Variants in IQUB observed in about 807,000 individuals in gnomAD.
IQUB encodes the protein IQ motif and ubiquitin domain containing, also known as IQ motif and ubiquitin-like domain-containing protein.
IQUB carries 86 observed loss-of-function variants against 86.4 expected under a neutral mutation model. That is an observed-to-expected ratio of 1.00 (90% CI 0.84 to 1.19). IQUB has a LOEUF of 1.19. IQUB is among the 50% of genes most tolerant of loss of function. The pLI is 0.00. For synonymous variants in IQUB, 289 were observed against 304.5 expected, an observed-to-expected ratio of 0.95 and a Z score of 0.53; for missense variants, 946 against 916.9, an observed-to-expected ratio of 1.03 and a Z score of -0.41.
intron 1 of IQUB, chr7:123,532,931 G>C (rs1237923019): frequency 1.3e-5 from 2 of 152,352 alleles, no homozygotes; most frequent in Non-Finnish European, 2.9e-5. Flanking sequence ...GGCTGGGGGC[G>C]GAGGCCGGCA....
chr7:123,494,780 C>A (rs551822667), intron 7 of IQUB, among the ~76,000 whole-genome samples: 2 of 152,010 alleles, frequency 1.3e-5, no homozygotes, highest in African/African-American at 4.8e-5. Flanking sequence ...AGTAGACAGG[C>A]CAAAAATTAT....
At chr7:123,506,832 C>T (rs747605896) in intron 3 of IQUB, among the ~76,000 whole-genome samples, 9 of 152,112 alleles carry the variant, frequency 5.9e-5, no homozygotes, top group Non-Finnish European at 1.2e-4. Flanking sequence ...ATTCATGCCA[C>T]GGTAGAGGTA....
At chr7:123,471,906 A>G (rs1222342135) in intron 8 of IQUB, among the ~76,000 whole-genome samples, 1 of 152,162 alleles carries the variant, frequency 6.6e-6, no homozygotes, top group African/African-American at 2.4e-5. Context: ...TAATTGTTTT[A>G]TGTTTGCTAA....
chr7:123,496,434 A>G (rs892904920), intron 7 of IQUB, among the ~76,000 whole-genome samples: 2 of 152,134 alleles, frequency 1.3e-5, no homozygotes, highest in African/African-American at 2.4e-5. Context: ...ATGAGGATCA[A>G]ATGAAATAAT....
chr7:123,477,353 TAATA>T (rs1051117544), intron 8 of IQUB, among the ~76,000 whole-genome samples: 3 of 152,304 alleles, frequency 2.0e-5, no homozygotes, highest in African/African-American at 7.2e-5. Context: ...ATTCCCTATT[TAATA>T]AATGGTGCTG....
At chr7:123,470,469 G>A (rs1483968798) in intron 8 of IQUB, among the ~76,000 whole-genome samples, 1 of 152,138 alleles carries the variant, frequency 6.6e-6, no homozygotes, top group Non-Finnish European at 1.5e-5. Context: ...GTGATCTAAT[G>A]TAAGGTTTAA....
At chr7:123,484,598 A>G (rs1394135408) in intron 7 of IQUB, among the ~76,000 whole-genome samples, 1 of 152,118 alleles carries the variant, frequency 6.6e-6, no homozygotes, top group South Asian at 2.1e-4. Context: ...AAATTTGGGT[A>G]GAGCACTAAG....
intron 1 of IQUB, among the ~76,000 whole-genome samples, chr7:123,523,485 G>C (rs1403472649): frequency 6.6e-6 from 1 of 151,928 alleles, no homozygotes; most frequent in East Asian, 1.9e-4. Context: ...GTGTTTTTTG[G>C]CTGCATAAAT....
chr7:123,489,274 A>C (rs1382037150), intron 7 of IQUB, among the ~76,000 whole-genome samples: 1 of 152,180 alleles, frequency 6.6e-6, no homozygotes, highest in South Asian at 2.1e-4. Context: ...TCCTATTTTG[A>C]TATAACAGAG....
intron 1 of IQUB, among the ~76,000 whole-genome samples, 152 bp downstream of exon 1, chr7:123,534,340 C>T (rs1159028632): frequency 6.6e-6 from 1 of 152,156 alleles, no homozygotes; most frequent in Non-Finnish European, 1.5e-5. Context: ...AAAGTAAAGT[C>T]GGAACATTCC....
chr7:123,504,349 C>G (rs969824362), intron 3 of IQUB, among the ~76,000 whole-genome samples: 1 of 152,076 alleles, frequency 6.6e-6, no homozygotes, highest in African/African-American at 2.4e-5. Context: ...ACTCGGGAGG[C>G]TGAGGCAAGA....
At chr7:123,475,593 A>G (rs1048233704) in intron 8 of IQUB, among the ~76,000 whole-genome samples, 3 of 152,156 alleles carry the variant, frequency 2.0e-5, no homozygotes, top group Admixed American at 6.6e-5. Flanking sequence ...CTGGGCATAA[A>G]GAAGAATAGA....
At chr7:123,526,860 C>T (rs1031282986) in intron 1 of IQUB, among the ~76,000 whole-genome samples, 3 of 152,020 alleles carry the variant, frequency 2.0e-5, no homozygotes, top group East Asian at 1.9e-4. Context: ...CCACGTTTAG[C>T]GCTTCTTCAG....
At chr7:123,457,061 G>T in intron 12 of IQUB, 1 of 427,372 alleles carries the variant, frequency 2.3e-6, no homozygotes, top group Non-Finnish European at 3.1e-6. Flanking sequence ...CAGTATTGTA[G>T]GTATTAGAGA....
chr7:123,490,005 T>C (rs1795387395), intron 7 of IQUB, among the ~76,000 whole-genome samples: 1 of 151,628 alleles, frequency 6.6e-6, no homozygotes, highest in Admixed American at 6.6e-5. Flanking sequence ...GGAGCAAATA[T>C]AAAACAAACA....
chr7:123,514,592 ATTTG>A (rs1424364105), intron 1 of IQUB, among the ~76,000 whole-genome samples: 1 of 152,166 alleles, frequency 6.6e-6, no homozygotes, highest in Non-Finnish European at 1.5e-5. Context: ...ACTGTTTATA[ATTTG>A]TTTATTTGTA....
At chr7:123,483,169 T>C (rs762581947) in intron 7 of IQUB, among the ~76,000 whole-genome samples, 14 of 152,052 alleles carry the variant, frequency 9.2e-5, no homozygotes, top group Non-Finnish European at 1.8e-4. Flanking sequence ...TGCTCGTGGA[T>C]TCCTCCCCAT....
At chr7:123,527,861 C>T (rs921348026) in intron 1 of IQUB, among the ~76,000 whole-genome samples, 4 of 152,246 alleles carry the variant, frequency 2.6e-5, no homozygotes, top group Non-Finnish European at 4.4e-5. Context: ...AGCTTCCCAG[C>T]TGCTTTGTTT....
At chr7:123,474,286 GTTGT>G (rs1447892201) in intron 8 of IQUB, among the ~76,000 whole-genome samples, 1 of 152,110 alleles carries the variant, frequency 6.6e-6, no homozygotes, top group East Asian at 1.9e-4. Flanking sequence ...TATGGCACTG[GTTGT>G]TTGTTAATTT....
Sources: allele counts gnomAD v4.1 joint callset (sites outside exome capture counted in the v4.1 genomes callset), GRCh38; gene constraint gnomAD v4.1.1; transcripts MANE v1.5; gene names NCBI Gene and HGNC (gene_info 2026-07-23, HGNC 2026-07-21).